Variants in ITPR1 observed in about 807,000 individuals in gnomAD.
The protein encoded by ITPR1 is inositol 1,4,5-trisphosphate receptor type 1, also known as inositol 1,4,5-trisphosphate-gated calcium channel ITPR1.
A neutral mutation model predicts 318.4 loss-of-function variants in ITPR1; 96 were observed. That is an observed-to-expected ratio of 0.30 (90% CI 0.26 to 0.36). ITPR1 has a LOEUF of 0.36. Among genes scored for constraint, ITPR1 ranks in the 10% least tolerant of loss-of-function variants. The pLI is 1.00. For synonymous variants in ITPR1, 1,312 were observed against 1,289.9 expected, an observed-to-expected ratio of 1.02 and a Z score of -0.37; for missense variants, 2,440 against 3,460.2, an observed-to-expected ratio of 0.71 and a Z score of 7.40.
chr3:4,524,940 T>C (rs1330148654), intron 4 of ITPR1, among the ~76,000 whole-genome samples: 4 of 152,206 alleles, frequency 2.6e-5, no homozygotes, highest in Non-Finnish European at 4.4e-5. Context: ...ATTAATTGTG[T>C]GTTAAGAATT....
At chr3:4,648,613 C>A (rs1206394919) in intron 10 of ITPR1, among the ~76,000 whole-genome samples, 1 of 152,146 alleles carries the variant, frequency 6.6e-6, no homozygotes, top group Non-Finnish European at 1.5e-5. Context: ...AATTCAAGAC[C>A]AACCTGGTCA....
At chr3:4,699,742 G>A (rs2125260150) in intron 34 of ITPR1, 71 bp from the exon 35 acceptor site, 2 of 1,502,102 alleles carry the variant, frequency 1.3e-6, no homozygotes, top group South Asian at 2.4e-5. Flanking sequence ...ACCCACAGGA[G>A]GGAGTCGCAG....
intron 48 of ITPR1, among the ~76,000 whole-genome samples, chr3:4,777,603 G>T (rs1237952126): frequency 6.6e-6 from 1 of 152,196 alleles, no homozygotes; most frequent in Non-Finnish European, 1.5e-5. Flanking sequence ...AGGTCACACA[G>T]AATGAAGATT....
chr3:4,705,347 A>T (rs1335734132), intron 36 of ITPR1, among the ~76,000 whole-genome samples: 3 of 152,322 alleles, frequency 2.0e-5, no homozygotes, highest in African/African-American at 7.2e-5. Context: ...TTACATTAGC[A>T]GGGCACCTTT....
intron 2 of ITPR1, among the ~76,000 whole-genome samples, chr3:4,514,635 A>G (rs905771502): frequency 6.6e-6 from 1 of 152,160 alleles, no homozygotes; most frequent in African/African-American, 2.4e-5. Context: ...TGCGGAGCAC[A>G]TACCTGCTCT....
intron 4 of ITPR1, among the ~76,000 whole-genome samples, chr3:4,528,993 A>C (rs1471276496): frequency 6.6e-6 from 1 of 152,172 alleles, no homozygotes; most frequent in African/African-American, 2.4e-5. Context: ...ATCGCTGGGG[A>C]TGGTGCCTGC....
At chr3:4,544,044 T>A (rs1265646206) in intron 4 of ITPR1, among the ~76,000 whole-genome samples, 1 of 146,418 alleles carries the variant, frequency 6.8e-6, no homozygotes, top group East Asian at 2.2e-4. Context: ...TTCATTCCTG[T>A]TCCTTTTTTT....
intron 4 of ITPR1, among the ~76,000 whole-genome samples, chr3:4,592,840 C>T (rs984267257): frequency 2.6e-5 from 4 of 152,132 alleles, no homozygotes; most frequent in Non-Finnish European, 5.9e-5. Flanking sequence ...CACAGGCCCA[C>T]CTTTGGAGCA....
chr3:4,508,563 A>G (rs1026395429), intron 2 of ITPR1, among the ~76,000 whole-genome samples: 1 of 151,722 alleles, frequency 6.6e-6, no homozygotes, highest in Non-Finnish European at 1.5e-5. Flanking sequence ...GCCACAGTCA[A>G]ATGAGTGAGT....
chr3:4,711,362 A>G (rs1355087839), intron 38 of ITPR1, among the ~76,000 whole-genome samples: 6 of 152,076 alleles, frequency 3.9e-5, no homozygotes. Context: ...ATTGGCCTCA[A>G]CCATCATCCT....
chr3:4,562,441 A>G (rs545553818), intron 4 of ITPR1, among the ~76,000 whole-genome samples: 143 of 152,248 alleles, frequency 9.4e-4, no homozygotes, highest in Non-Finnish European at 1.6e-3. Context: ...TATTTTACTG[A>G]TAGTATGTGC....
intron 4 of ITPR1, among the ~76,000 whole-genome samples, chr3:4,589,793 A>T (rs2090232406): frequency 6.6e-6 from 1 of 152,170 alleles, no homozygotes; most frequent in Non-Finnish European, 1.5e-5. Flanking sequence ...CGAACAAAAC[A>T]AAACCTCATG....
rs538209212 is a variant in ITPR1 at position 4,806,192 on chromosome 3, G to A, written c.7197G>A (p.Glu2399=). The A allele has an allele frequency of 3.2e-5, 52 of 1,613,948 alleles. No homozygotes were observed. The Admixed American group carries it at 4.0e-4, about 12-fold the overall frequency. ...ACCGAGCCATGGTTCTGGATGTTGA[G>A]TTCCTCTATCATTTGTTGTATCTGG... The part of the protein sequence containing the change: ...RGYRAMVLDV[E]FLYHLLYLVI... Residue 2399 remains glutamate (E), a synonymous_variant, in exon 55 of 62, where the codon GAG becomes GAA. Coordinates refer to ENST00000649015, the MANE Select transcript of ITPR1 (RefSeq NM_001378452.1).
chr3:4,682,247 G>A (rs549862157), intron 26 of ITPR1, among the ~76,000 whole-genome samples: 50 of 152,364 alleles, frequency 3.3e-4, no homozygotes, highest in African/African-American at 1.2e-3. Flanking sequence ...TGGCACTATA[G>A]CAGAGATGCC....
At chr3:4,777,808 A>G (rs549951832) in intron 48 of ITPR1, among the ~76,000 whole-genome samples, 1 of 152,310 alleles carries the variant, frequency 6.6e-6, no homozygotes, top group African/African-American at 2.4e-5. Context: ...AAACCCAAAA[A>G]AACAAACATG....
intron 44 of ITPR1, 22 bp downstream of exon 44, chr3:4,735,376 T>A (rs750661863): frequency 1.3e-6 from 2 of 1,593,264 alleles, no homozygotes; most frequent in Non-Finnish European, 1.7e-6. Context: ...GCTTGGCTAC[T>A]GGTATGGCAT....
At chr3:4,740,709 C>G (rs955864766) in intron 44 of ITPR1, among the ~76,000 whole-genome samples, 1 of 152,082 alleles carries the variant, frequency 6.6e-6, no homozygotes, top group African/African-American at 2.4e-5. Context: ...GAGGGTAGAT[C>G]GTGACTCCCA....
chr3:4,726,085 A>G (rs1411986497), intron 41 of ITPR1, among the ~76,000 whole-genome samples: 1 of 152,218 alleles, frequency 6.6e-6, no homozygotes, highest in Non-Finnish European at 1.5e-5. Flanking sequence ...GCTGGAGTGC[A>G]GTGGCACAAC....
chr3:4,681,623 AAGT>A (rs2094301025), intron 26 of ITPR1, among the ~76,000 whole-genome samples: 1 of 42,628 alleles, frequency 2.3e-5, no homozygotes, highest in Non-Finnish European at 4.4e-5. Context: ...GAGAGAGAGA[AAGT>A]GTGTGTGTGT....
Sources: allele counts gnomAD v4.1 joint callset (sites outside exome capture counted in the v4.1 genomes callset), GRCh38; gene constraint gnomAD v4.1.1; transcripts MANE v1.5; gene names NCBI Gene and HGNC (gene_info 2026-07-23, HGNC 2026-07-21).